PLCD4: variants seen among roughly 807,000 people sequenced by gnomAD.
PLCD4 encodes the protein 1-phosphatidylinositol 4,5-bisphosphate phosphodiesterase delta-4.
Under a neutral mutation model 90.2 loss-of-function variants are expected in PLCD4, and 63 were observed. The observed-to-expected ratio is 0.70, with a 90% CI of 0.57 to 0.86. PLCD4 has a LOEUF of 0.86. PLCD4 is among the 40% of genes least tolerant of loss of function. PLCD4 has a pLI of 0.00. For missense variants in PLCD4, 830 were observed against 956.3 expected, an observed-to-expected ratio of 0.87 and a Z score of 1.74; for synonymous variants, 294 against 356.5, an observed-to-expected ratio of 0.82 and a Z score of 1.97.
rs748468529 is a variant in PLCD4 at position 218,622,719 on chromosome 2, C to T, written c.613C>T (p.Arg205Cys). 1.2e-4 allele frequency: 200 copies of T among 1,614,008 alleles called. No homozygotes were observed. Among genetic ancestry groups the T allele is most frequent in the Middle Eastern group, 3.3e-4 (2 of 6,062 alleles). ...ACAGTTCTATAAGGCATTGACTAAA[C>T]GTGCTGAGGTGCAGGAACTGTTTGA... is the stretch of plus-strand genomic sequence containing the variant. ...FVQFYKALTK[R>C]AEVQELFESF... The change falls in exon 6 of 16, where the codon CGT (arginine) becomes TGT (cysteine). Residue 205 changes from arginine (R) to cysteine (C), a missense_variant. By Grantham distance (180) the Arg-to-Cys change is radical (BLOSUM62 -3). Transcript: ENST00000450993.
intron 7 of PLCD4, chr2:218,629,266 G>A (rs1696250377): frequency 2.3e-6 from 1 of 433,138 alleles, no homozygotes; most frequent in Non-Finnish European, 4.2e-6. Flanking sequence ...AACACCAGAT[G>A]CATCATGAGG....
chr2:218,626,570 T>C (rs1195660642), intron 6 of PLCD4, among the ~76,000 whole-genome samples: 1 of 152,178 alleles, frequency 6.6e-6, no homozygotes, highest in Non-Finnish European at 1.5e-5. Flanking sequence ...ACTGAGAACA[T>C]GAGTGAGATG....
At chr2:218,624,478 C>T (rs1696015308) in intron 6 of PLCD4, among the ~76,000 whole-genome samples, 1 of 152,094 alleles carries the variant, frequency 6.6e-6, no homozygotes, top group South Asian at 2.1e-4. Context: ...AATCCCAGCA[C>T]TTTGGGAGAC....
intron 1 of PLCD4, among the ~76,000 whole-genome samples, chr2:218,614,313 C>G (rs898294442): frequency 1.4e-4 from 22 of 152,088 alleles, no homozygotes; most frequent in Admixed American, 6.6e-5. Context: ...GCCACCGCGC[C>G]CAGCCTTTTG....
intron 5 of PLCD4, 99 bp downstream of exon 5, chr2:218,621,698 C>G: frequency 6.9e-7 from 1 of 1,453,626 alleles, no homozygotes; most frequent in South Asian, 1.2e-5. Context: ...ATTGTTAAAT[C>G]TCTGCTATGT....
In PLCD4 at chr2:218,629,500, G is replaced by A; in HGVS notation, c.975-19G>A. ...ATATTGACCTCTCCTATTTCTCGGT[G>A]GGGATGGGGTTCTTTCAGGGCCCTG... On this transcript the variant is annotated intron_variant, in intron 7 of 15. Coordinates refer to ENST00000450993, the MANE Select transcript of PLCD4 (RefSeq NM_032726.4). 1 of 1,612,050 alleles carries A rather than the reference G, an allele frequency of 6.2e-7. No individual in the cohort carries two copies. Among genetic ancestry groups the A allele is most frequent in the Non-Finnish European group, 8.5e-7 (1 of 1,179,386 alleles).
chr2:218,636,197 A>C (rs1010698198), intron 14 of PLCD4, 46 bp from the exon 15 acceptor site: 1 of 1,588,436 alleles, frequency 6.3e-7, no homozygotes, highest in African/African-American at 1.3e-5. Context: ...CCCAGTCAAG[A>C]AAACTGTCAT....
At chr2:218,630,613 G>A (rs1260776117) in intron 8 of PLCD4, 37 bp from the exon 9 acceptor site, 1 of 1,613,458 alleles carries the variant, frequency 6.2e-7, no homozygotes. Context: ...CAGTGTTTTA[G>A]AACTCTGAAT....
intron 10 of PLCD4, 54 bp from the exon 11 acceptor site, chr2:218,633,551 T>C (rs374186939): frequency 3.2e-6 from 5 of 1,577,860 alleles, no homozygotes; most frequent in East Asian, 2.2e-5. Context: ...CATTATCTTC[T>C]TCTCTCTCAG....
At chr2:218,621,941 G>A (rs1453470451) in intron 5 of PLCD4, among the ~76,000 whole-genome samples, 1 of 151,998 alleles carries the variant, frequency 6.6e-6, no homozygotes, top group African/African-American at 2.4e-5. Context: ...TTAGCCGGGT[G>A]TGGTTGCGGG....
rs951369156 is a variant in PLCD4, at chr2:218,614,994, C to T, written c.-33-713C>T. ...CTGTAATCCCAGCACTTTGGGAGGC[C>T]GAGGTGGGCGGATCACGAGGTCAGG... On this transcript the variant is annotated intron_variant, in intron 1 of 15. Coordinates refer to ENST00000450993, the MANE Select transcript of PLCD4 (RefSeq NM_032726.4). Among the ~76,000 whole-genome samples, 12 of 151,820 alleles carry T rather than the reference C, an allele frequency of 7.9e-5. 1 individual carries two copies. Among genetic ancestry groups the T allele is most frequent in the African/African-American group, 2.4e-4 (10 of 41,374 alleles).
chr2:218,613,191 G>C (rs1414821460), intron 1 of PLCD4, among the ~76,000 whole-genome samples: 1 of 152,044 alleles, frequency 6.6e-6, no homozygotes, highest in Non-Finnish European at 1.5e-5. Context: ...AGGTGTTTGA[G>C]ACCAGCCTGG....
intron 3 of PLCD4, among the ~76,000 whole-genome samples, chr2:218,618,133 G>T (rs922019792): frequency 1.4e-4 from 21 of 152,114 alleles, no homozygotes; most frequent in African/African-American, 5.1e-4. Flanking sequence ...TGGAATGAGA[G>T]AACTGGACTT....
rs760290544 is a variant in PLCD4, at chr2:218,636,619, C to T, written c.*42C>T. 29 of 1,569,000 alleles carry T rather than the reference C, an allele frequency of 1.8e-5. No individual in the cohort carries two copies. Among genetic ancestry groups the T allele is most frequent in the South Asian group, 1.3e-4 (12 of 89,278 alleles). On this transcript the variant is annotated 3_prime_UTR_variant, in exon 16 of 16. Coordinates refer to ENST00000450993, the MANE Select transcript of PLCD4 (RefSeq NM_032726.4). ...GAAGGGTTGGTGTGCTGGCTTTAGA[C>T]GGGGAGAAACATCTGGAAGGATGCT... is the stretch of plus-strand genomic sequence containing the variant.
intron 5 of PLCD4, 171 bp from the exon 6 acceptor site, chr2:218,622,476 C>T (rs1003061321): frequency 3.3e-5 from 16 of 490,218 alleles, no homozygotes; most frequent in African/African-American, 2.8e-4. Context: ...TTCCCATTCT[C>T]CATGATGTGC....
intron 6 of PLCD4, among the ~76,000 whole-genome samples, chr2:218,627,291 A>G (rs1696159206): frequency 6.6e-6 from 1 of 151,736 alleles, no homozygotes; most frequent in Admixed American, 6.6e-5. Context: ...ATTAAATTAA[A>G]TTAACTAAAA....
intron 3 of PLCD4, among the ~76,000 whole-genome samples, chr2:218,617,825 G>T (rs1349850888): frequency 6.6e-6 from 1 of 152,106 alleles, no homozygotes; most frequent in Admixed American, 6.5e-5. Flanking sequence ...GGTGGCTCAC[G>T]CCTGTAATCC....
intron 7 of PLCD4, chr2:218,628,841 C>T (rs1696231879): frequency 1.3e-5 from 2 of 153,786 alleles, no homozygotes; most frequent in African/African-American, 4.8e-5. Flanking sequence ...CATATAGTTT[C>T]CACCTTAGGA....
chr2:218,630,539 A>C (rs1696315260), intron 8 of PLCD4, 111 bp from the exon 9 acceptor site: 3 of 1,231,582 alleles, frequency 2.4e-6, no homozygotes, highest in Non-Finnish European at 3.5e-6. Flanking sequence ...TTTAGTGATC[A>C]GGGTACTCAT....
Sources: allele counts gnomAD v4.1 joint callset (sites outside exome capture counted in the v4.1 genomes callset), GRCh38; gene constraint gnomAD v4.1.1; transcripts MANE v1.5; gene names NCBI Gene and HGNC (gene_info 2026-07-23, HGNC 2026-07-21).